HPCAL1: variants seen among roughly 807,000 people sequenced by gnomAD.
HPCAL1 encodes the protein hippocalcin like 1, also known as hippocalcin-like protein 1.
In HPCAL1, 8 loss-of-function variants were observed where a neutral mutation model predicts 17.1. That is an observed-to-expected ratio of 0.47 (90% CI 0.27 to 0.84). HPCAL1 has a LOEUF of 0.84. Ranked by LOEUF, HPCAL1 falls within the 40% of genes least tolerant of loss-of-function variation. The probability of loss-of-function intolerance (pLI) is 0.13; values close to 1 mark genes in which losing one functional copy is unlikely to be tolerated. For missense variants in HPCAL1, 165 were observed against 271.1 expected, an observed-to-expected ratio of 0.61 and a Z score of 2.75; for synonymous variants, 112 against 111.4, an observed-to-expected ratio of 1.01 and a Z score of -0.03.
chr2:10,352,761 C>T (rs867647788), intron 1 of HPCAL1, among the ~76,000 whole-genome samples: 2 of 152,304 alleles, frequency 1.3e-5, no homozygotes, highest in Middle Eastern at 3.4e-3. Context: ...CAGGAGGGAC[C>T]TTTGGAGTCT....
Position 10,331,047 on chromosome 2 carries a change from C to T in HPCAL1, c.-111+27870C>T, listed in dbSNP as rs1163311796. Among the ~76,000 whole-genome samples the T allele has an allele frequency of 3.3e-5, 5 of 152,166 alleles. No individual in the cohort carries two copies. The highest frequency in any genetic ancestry group is 4.1e-4 in the South Asian group (2 of 4,832). Reference sequence around the variant, plus strand: ...TGCCATCTTGGCTTCTTCCTCATCCCGCCTCTCGCTCCATCTCGTGGCCTC... The same window carrying T: ...TGCCATCTTGGCTTCTTCCTCATCCTGCCTCTCGCTCCATCTCGTGGCCTC... On this transcript the variant is annotated intron_variant, in intron 1 of 4. Coordinates refer to ENST00000307845, the MANE Select transcript of HPCAL1 (RefSeq NM_002149.4). The surrounding 1 kb of genome is among the most constrained non-coding windows in gnomAD (Gnocchi z 5.0).
rs1393295654 is a variant in HPCAL1, at chr2:10,359,009, C to T, written c.-110-37826C>T. Among the ~76,000 whole-genome samples the T allele has an allele frequency of 2.7e-5, 4 of 148,770 alleles. No individual in the cohort carries two copies. The highest frequency in any genetic ancestry group is 5.9e-5 in the Non-Finnish European group (4 of 67,304). ...TACCATGGGGTTGGAGCCCCACAGC[C>T]TGCCCGTCTGCATGCTCCCCTTGAG... On this transcript the variant is annotated intron_variant, in intron 1 of 4. Transcript: ENST00000307845. The surrounding 1 kb of genome is among the most constrained non-coding windows in gnomAD (Gnocchi z 4.1).
chr2:10,329,245 C>G (rs1396646257), intron 1 of HPCAL1, among the ~76,000 whole-genome samples: 1 of 152,208 alleles, frequency 6.6e-6, no homozygotes, highest in Non-Finnish European at 1.5e-5. Flanking sequence ...TGCTCACATC[C>G]GAATCCCTGG....
At chr2:10,311,932 T>G (rs996720370) in intron 1 of HPCAL1, among the ~76,000 whole-genome samples, 11 of 149,498 alleles carry the variant, frequency 7.4e-5, no homozygotes, top group Non-Finnish European at 1.6e-4. Context: ...TTCATCACCA[T>G]TCATCATCAC....
chr2:10,311,638 A>G (rs1208449896), intron 1 of HPCAL1, among the ~76,000 whole-genome samples: 2 of 152,120 alleles, frequency 1.3e-5, no homozygotes, highest in African/African-American at 4.8e-5. Context: ...TGTAGAGCAC[A>G]GGTAAGGAAT....
intron 1 of HPCAL1, among the ~76,000 whole-genome samples, chr2:10,366,960 C>T (rs533615699): frequency 7.9e-5 from 12 of 152,238 alleles, no homozygotes; most frequent in East Asian, 1.9e-4. Context: ...GGGTGAGGGA[C>T]GCCAGGTTCC....
chr2:10,351,568 G>A (rs1665842563), intron 1 of HPCAL1, among the ~76,000 whole-genome samples: 2 of 152,128 alleles, frequency 1.3e-5, no homozygotes, highest in African/African-American at 4.8e-5. Context: ...GATCAGCCTG[G>A]GCAACATGGC....
intron 2 of HPCAL1, chr2:10,408,855 G>C (rs1024644513): frequency 7.9e-4 from 120 of 152,328 alleles, no homozygotes; most frequent in African/African-American, 2.6e-3. Context: ...CCCAGATCCA[G>C]GGTCCCTGGT....
intron 1 of HPCAL1, among the ~76,000 whole-genome samples, chr2:10,326,983 C>T (rs902095993): frequency 1.3e-5 from 2 of 152,174 alleles, no homozygotes; most frequent in Non-Finnish European, 2.9e-5. Context: ...GTCGGCTCCT[C>T]GGAAGCCCTT....
intron 2 of HPCAL1, among the ~76,000 whole-genome samples, chr2:10,414,621 C>A (rs566922067): frequency 6.6e-6 from 1 of 152,232 alleles, no homozygotes; most frequent in East Asian, 1.9e-4. Context: ...TTCTGAGGGA[C>A]CTGGGGTTAG....
At position 10,331,609 on chromosome 2, in the gene HPCAL1, C is replaced by T. The variant is rs1664385382; in HGVS notation, c.-111+28432C>T. 6.6e-6 allele frequency among the ~76,000 whole-genome samples: 1 copy of T among 152,190 alleles called. No individual in the cohort carries two copies. ...AAGTCAGTGTGTGCTTTGGGCCCAGCTGCACTGTGCCCGGGGTCCAGGGAT... is the reference window on the plus strand; with the variant it reads ...AAGTCAGTGTGTGCTTTGGGCCCAGTTGCACTGTGCCCGGGGTCCAGGGAT... On this transcript the variant is annotated intron_variant, in intron 1 of 4. Transcript: ENST00000307845. The surrounding 1 kb of genome is among the most constrained non-coding windows in gnomAD (Gnocchi z 5.0).
intron 1 of HPCAL1, among the ~76,000 whole-genome samples, chr2:10,361,906 G>C (rs1666550582): frequency 6.6e-6 from 1 of 152,004 alleles, no homozygotes; most frequent in East Asian, 1.9e-4. Context: ...TAATAGAGAT[G>C]GTGTTTCATC....
intron 2 of HPCAL1, among the ~76,000 whole-genome samples, chr2:10,409,604 G>T (rs900700898): frequency 3.9e-5 from 6 of 152,096 alleles, no homozygotes; most frequent in Non-Finnish European, 8.8e-5. Context: ...TGGGTTGGGT[G>T]CTGGATAAGA....
intron 1 of HPCAL1, among the ~76,000 whole-genome samples, chr2:10,311,563 G>A (rs974240951): frequency 9.9e-5 from 15 of 152,114 alleles, no homozygotes; most frequent in Non-Finnish European, 2.9e-5. Flanking sequence ...AGAGCTCATT[G>A]TAAGGTGAAA....
chr2:10,313,562 C>T (rs1663115595), intron 1 of HPCAL1, among the ~76,000 whole-genome samples: 1 of 152,200 alleles, frequency 6.6e-6, no homozygotes, highest in African/African-American at 2.4e-5. Context: ...TTTGTTAAAA[C>T]TGTGGGACAG....
In HPCAL1 at chr2:10,310,144, A is replaced by G. The variant is rs1397187654; in HGVS notation, c.-111+6967A>G. Among the ~76,000 whole-genome samples, 8 of 152,138 alleles carry G rather than the reference A, an allele frequency of 5.3e-5. No homozygotes were observed. Among genetic ancestry groups the G allele is most frequent in the Non-Finnish European group, 1.0e-4 (7 of 68,028 alleles). On this transcript the variant is annotated intron_variant, in intron 1 of 4. Transcript: ENST00000307845. The surrounding 1 kb of genome is among the most constrained non-coding windows in gnomAD (Gnocchi z 4.5). Reference sequence around the variant, plus strand: ...TTGACAGGAACTACAATTCAAACCCAGGTCTGCAGATGTGGCAGACTGGGT... The same window carrying G: ...TTGACAGGAACTACAATTCAAACCCGGGTCTGCAGATGTGGCAGACTGGGT...
rs541443586 is a variant in HPCAL1 at position 10,336,158 on chromosome 2, C to T, written c.-111+32981C>T. Among the ~76,000 whole-genome samples the T allele has an allele frequency of 1.7e-4, 24 of 139,898 alleles. 1 individual carries two copies. Among genetic ancestry groups the T allele is most frequent in the African/African-American group, 6.0e-4 (21 of 35,252 alleles). The allele number at this position is 139,898 out of a possible 152,430, so 91.8% of individuals were successfully genotyped here. ...CTCTGCTGTAAATTAATTGCATGTT[C>T]GTATCCTCTGCTGTAAATTAATTGC... On this transcript the variant is annotated intron_variant, in intron 1 of 4. Coordinates refer to ENST00000307845, the MANE Select transcript of HPCAL1 (RefSeq NM_002149.4).
At chr2:10,328,902 C>T (rs1664179559) in intron 1 of HPCAL1, among the ~76,000 whole-genome samples, 1 of 152,004 alleles carries the variant, frequency 6.6e-6, no homozygotes, top group Non-Finnish European at 1.5e-5. Flanking sequence ...CCCACCCCCA[C>T]TCCCTTCCTT....
At position 10,330,365 on chromosome 2, in the gene HPCAL1, G is replaced by C. The variant is rs548223038; in HGVS notation, c.-111+27188G>C. Among the ~76,000 whole-genome samples the C allele has an allele frequency of 6.6e-6, 1 of 152,284 alleles. No individual in the cohort carries two copies. Among genetic ancestry groups the C allele is most frequent in the Admixed American group, 6.5e-5 (1 of 15,294 alleles). ...GAAGGGCAGCAGCTTTGGAGCAAGG[G>C]CCACCCTGCCCCTCCCCACCAAGCC... On this transcript the variant is annotated intron_variant, in intron 1 of 4. Coordinates refer to ENST00000307845, the MANE Select transcript of HPCAL1 (RefSeq NM_002149.4). The surrounding 1 kb of genome is among the most constrained non-coding windows in gnomAD (Gnocchi z 4.2).
Sources: allele counts gnomAD v4.1 joint callset (sites outside exome capture counted in the v4.1 genomes callset), GRCh38; gene constraint gnomAD v4.1.1; non-coding constraint Gnocchi (gnomAD v3.1); transcripts MANE v1.5; gene names NCBI Gene and HGNC (gene_info 2026-07-23, HGNC 2026-07-21).